The following F8 variants were observed in gnomAD, a reference collection of about 807,000 sequenced individuals.
F8 encodes the protein antihemophilic factor.
In F8, 12 loss-of-function variants were observed where a neutral mutation model predicts 140.6. The ratio of observed to expected loss-of-function variants is 0.09; its 90% CI spans 0.05 to 0.14. The LOEUF (loss-of-function observed/expected upper bound fraction) is 0.14, where lower values mean the gene tolerates loss of function less well. Ranked by LOEUF, F8 falls within the 10% of genes least tolerant of loss-of-function variation. F8 has a pLI of 1.00. For synonymous variants in F8, 585 were observed against 614.6 expected (o/e 0.95, Z 0.71); for missense variants, 1,354 against 1,720.7 (o/e 0.79, Z 3.77).
At chrX:154,956,873 A>C in intron 11 of F8, 84 bp downstream of exon 11, 1 of 827,187 alleles carries the variant, frequency 1.2e-6, no homozygotes, top group Non-Finnish European at 1.8e-6. Flanking sequence ...ACTGACCTAT[A>C]TTGCAAACCA....
At chrX:154,849,642 T>G (rs1385843751) in intron 25 of F8, among the ~76,000 whole-genome samples, 1 of 110,902 alleles carries the variant, frequency 9.0e-6, no homozygotes, top group African/African-American at 3.3e-5. Flanking sequence ...ACTGAAATAT[T>G]TGGTCCATTC....
intron 1 of F8, among the ~76,000 whole-genome samples, chrX:155,007,058 G>A (rs1246850387): frequency 2.6e-4 from 26 of 100,782 alleles, no homozygotes; most frequent in Non-Finnish European, 5.0e-4. Flanking sequence ...CAGGGAGCAC[G>A]TCTGCCAACT....
chrX:154,954,516 T>G (rs1557281010), intron 11 of F8, among the ~76,000 whole-genome samples: 2 of 111,928 alleles, frequency 1.8e-5, no homozygotes, highest in Non-Finnish European at 3.8e-5. Context: ...AGAAATCAAA[T>G]AAGAAAGATA....
intron 25 of F8, among the ~76,000 whole-genome samples, chrX:154,859,425 C>T (rs1306278381): frequency 9.3e-6 from 1 of 107,842 alleles, no homozygotes; most frequent in Admixed American, 1.0e-4. Context: ...GTCTCAGCCT[C>T]CCGAGTAGCT....
intron 1 of F8, among the ~76,000 whole-genome samples, chrX:155,011,104 G>A (rs782233509): frequency 2.0e-4 from 22 of 111,974 alleles, no homozygotes; most frequent in South Asian, 3.7e-4. Flanking sequence ...ATACTATTAG[G>A]AAAGTGAAAA....
intron 14 of F8, among the ~76,000 whole-genome samples, chrX:154,920,704 T>C (rs5986892): frequency 0.01 from 1,128 of 111,717 alleles, 15 homozygotes; most frequent in African/African-American, 0.035. Context: ...CCTCCCACCT[T>C]GGCCCCCACA....
intron 13 of F8, among the ~76,000 whole-genome samples, chrX:154,943,205 T>C (rs2073280286): frequency 9.0e-6 from 1 of 111,524 alleles, no homozygotes. Flanking sequence ...GTGTATTCAA[T>C]TAGGAAAAGA....
intron 6 of F8, among the ~76,000 whole-genome samples, chrX:154,979,715 C>T (rs1435339955): frequency 8.9e-6 from 1 of 111,806 alleles, no homozygotes; most frequent in Non-Finnish European, 1.9e-5. Context: ...CACTCCTCTG[C>T]TGGGTGGGGC....
chrX:154,862,752 T>C (rs2072702760), intron 23 of F8, among the ~76,000 whole-genome samples: 1 of 112,450 alleles, frequency 8.9e-6, no homozygotes. Context: ...TTCCATGGTA[T>C]GTATGTACCA....
In F8 at chrX:154,906,464, G is replaced by T; in HGVS notation, c.5329C>A (p.Leu1777Ile). ...YRGELNEHLG[L>I]LGPYIRAEVE... is the part of the protein sequence containing the mutation. ...TCTGCTCTTATATATGGCCCCAGGA[G>T]TCCCAAATGTTCATTTAGTTCTCCA... The change falls in exon 15 of 26, where the codon CTC becomes ATC. Residue 1777 changes from leucine to isoleucine, a missense_variant. Leu to Ile is a conservative substitution (Grantham distance 5). Transcript: ENST00000360256. The T allele has an allele frequency of 8.3e-7, 1 of 1,209,865 alleles. No individual in the cohort carries two copies. Among genetic ancestry groups the T allele is most frequent in the African/African-American group, 1.7e-5 (1 of 57,629 alleles).
intron 25 of F8, among the ~76,000 whole-genome samples, chrX:154,840,354 T>C (rs781998603): frequency 8.9e-6 from 1 of 111,817 alleles, no homozygotes; most frequent in Non-Finnish European, 1.9e-5. Context: ...CAGGAAGCCC[T>C]TCAGACCAGT....
At chrX:154,943,808 T>C (rs1018390220) in intron 13 of F8, among the ~76,000 whole-genome samples, 3 of 111,701 alleles carry the variant, frequency 2.7e-5, no homozygotes. Context: ...ATGGTACTGG[T>C]ACCAAAACAG....
At chrX:154,972,764 G>A (rs188856614) in intron 6 of F8, among the ~76,000 whole-genome samples, 170 of 85,291 alleles carry the variant, frequency 2.0e-3, no homozygotes, top group Non-Finnish European at 3.0e-3. Flanking sequence ...TGCCCAGGCT[G>A]GAGTGCAATA....
intron 22 of F8, among the ~76,000 whole-genome samples, chrX:154,894,246 C>CT (rs782114412): frequency 4.1e-4 from 43 of 103,970 alleles, no homozygotes; most frequent in Non-Finnish European, 6.8e-4. Context: ...CTCCTGAGGG[C>CT]TGTGTCATGG....
At chrX:154,956,882 C>A (rs2073367450) in intron 11 of F8, 75 bp downstream of exon 11, 1 of 882,599 alleles carries the variant, frequency 1.1e-6, no homozygotes, top group African/African-American at 2.0e-5. Context: ...TATTGCAAAC[C>A]ATTATATTTT....
At chrX:154,890,549 T>C (rs192694257) in intron 22 of F8, among the ~76,000 whole-genome samples, 56 of 111,939 alleles carry the variant, frequency 5.0e-4, no homozygotes, top group African/African-American at 1.7e-3. Flanking sequence ...AGCTGATTCT[T>C]TGAAAAATTA....
At chrX:154,939,296 A>G (rs2124066716) in intron 13 of F8, among the ~76,000 whole-genome samples, 1 of 112,296 alleles carries the variant, frequency 8.9e-6, no homozygotes, top group African/African-American at 3.2e-5. Flanking sequence ...TGGCACCTGG[A>G]AAATCGGGTC....
intron 10 of F8, among the ~76,000 whole-genome samples, chrX:154,958,671 T>C (rs1031804709): frequency 4.5e-5 from 5 of 112,111 alleles, no homozygotes; most frequent in African/African-American, 1.6e-4. Flanking sequence ...TGGAGTGCAG[T>C]GGGGTGATCT....
intron 14 of F8, among the ~76,000 whole-genome samples, chrX:154,917,711 G>C (rs1265781971): frequency 9.0e-6 from 1 of 110,776 alleles, no homozygotes; most frequent in African/African-American, 3.3e-5. Flanking sequence ...CAGTTCCGCT[G>C]TTTAGACTTT....
Sources: gnomAD v4.1 joint callset for allele counts (sites outside exome capture counted in the v4.1 genomes callset) on GRCh38, gnomAD v4.1.1 for gene constraint, MANE v1.5 for transcripts, NCBI Gene and HGNC (gene_info 2026-07-23, HGNC 2026-07-21) for gene names.